Variants in DPY19L4 observed in about 807,000 individuals in gnomAD.
The protein encoded by DPY19L4 is dpy-19 like 4.
In DPY19L4, 97 loss-of-function variants were observed where a neutral mutation model predicts 102.8. The ratio of observed to expected loss-of-function variants is 0.94; its 90% CI spans 0.80 to 1.12. The LOEUF (loss-of-function observed/expected upper bound fraction) is 1.12. Ranked by LOEUF, DPY19L4 falls within the 50% of genes most tolerant of loss-of-function variation. The probability of loss-of-function intolerance (pLI) is 0.00; values close to 1 mark genes in which losing one functional copy is unlikely to be tolerated. For synonymous variants in DPY19L4, 252 were observed against 283.1 expected (o/e 0.89, Z 1.10); for missense variants, 815 against 850.4 (o/e 0.96, Z 0.52).
intron 6 of DPY19L4, among the ~76,000 whole-genome samples, chr8:94,741,220 A>G (rs1811431790): frequency 6.6e-6 from 1 of 152,202 alleles, no homozygotes; most frequent in Admixed American, 6.5e-5. Flanking sequence ...GGGGAATGGC[A>G]GTCAGATCTC....
In DPY19L4 at chr8:94,760,234, C is replaced by A. The variant is rs537034034; in HGVS notation, c.736-1466C>A. On this transcript the variant is annotated intron_variant, in intron 7 of 18. Transcript: ENST00000414645. ...GTTTTAGTATGTTGTAGGTTTCCCCCAGAATCTCAGAAGCAATCTCCAAAT... is the reference window on the plus strand; with the variant it reads ...GTTTTAGTATGTTGTAGGTTTCCCCAAGAATCTCAGAAGCAATCTCCAAAT... Among the ~76,000 whole-genome samples the A allele has an allele frequency of 1.3e-4, 20 of 152,352 alleles. No individual in the cohort carries two copies. In the East Asian group the frequency reaches 3.5e-3, roughly 26 times the overall value.
At chr8:94,772,098 C>T (rs1812961736) in intron 13 of DPY19L4, among the ~76,000 whole-genome samples, 3 of 151,502 alleles carry the variant, frequency 2.0e-5, no homozygotes, top group Admixed American at 1.3e-4. Flanking sequence ...TTAAACTTCC[C>T]TTGTTCCTGC....
intron 3 of DPY19L4, among the ~76,000 whole-genome samples, chr8:94,736,312 G>A (rs1811187351): frequency 6.6e-6 from 1 of 152,128 alleles, no homozygotes; most frequent in Admixed American, 6.6e-5. Context: ...TCAGATCACA[G>A]CAAACTCAAG....
chr8:94,744,221 G>A (rs1442932816), intron 6 of DPY19L4: 3 of 392,106 alleles, frequency 7.7e-6, no homozygotes, highest in African/African-American at 2.1e-5. Flanking sequence ...TCGTCTGAAG[G>A]CCTGGCTGGG....
chr8:94,791,420 A>C lies in DPY19L4; in HGVS notation c.*1510A>C, dbSNP rs988236521. The C allele has an allele frequency of 3.9e-5, 6 of 152,154 alleles. No homozygotes were observed. Among genetic ancestry groups the C allele is most frequent in the African/African-American group, 1.4e-4 (6 of 41,454 alleles). 9.4% of individuals were successfully genotyped at this position (152,154 alleles called of 1,614,324 possible). On this transcript the variant is annotated 3_prime_UTR_variant, in exon 19 of 19. Coordinates refer to ENST00000414645, the MANE Select transcript of DPY19L4 (RefSeq NM_181787.3). ...GGTGATGTCATATATCTGATAGATT[A>C]GTTTCAGTGGTTCTCATTTCACTTT...
intron 6 of DPY19L4, among the ~76,000 whole-genome samples, chr8:94,746,210 C>CA (rs1811668574): frequency 6.6e-6 from 1 of 151,558 alleles, no homozygotes. Flanking sequence ...TACAGGCACC[C>CA]ACCACCATGC....
intron 2 of DPY19L4, among the ~76,000 whole-genome samples, chr8:94,733,333 G>T (rs1586318455): frequency 6.6e-6 from 1 of 151,580 alleles, no homozygotes; most frequent in Non-Finnish European, 1.5e-5. Context: ...CACCGTGTTA[G>T]CCAGGATGGT....
At chr8:94,725,338 G>C (rs1017636861) in intron 1 of DPY19L4, among the ~76,000 whole-genome samples, 1 of 152,106 alleles carries the variant, frequency 6.6e-6, no homozygotes, top group African/African-American at 2.4e-5. Flanking sequence ...TTAATTCTAG[G>C]GAGGAAAAGT....
At chr8:94,733,159 T>C (rs1353290420) in intron 2 of DPY19L4, among the ~76,000 whole-genome samples, 2 of 126,964 alleles carry the variant, frequency 1.6e-5, no homozygotes, top group African/African-American at 6.3e-5. Context: ...AGAGTCTCGC[T>C]CTGTCGCCCA....
chr8:94,744,559 C>G (rs1328322867), intron 6 of DPY19L4: 2 of 456,176 alleles, frequency 4.4e-6, no homozygotes, highest in Admixed American at 2.4e-5. Context: ...ATCATTGGGA[C>G]CGTCTTGGAG....
intron 2 of DPY19L4, among the ~76,000 whole-genome samples, chr8:94,727,141 G>A (rs1563569668): frequency 6.6e-6 from 1 of 152,164 alleles, no homozygotes; most frequent in Non-Finnish European, 1.5e-5. Context: ...TTATGTCGGG[G>A]GTTCCCCAGA....
Position 94,767,826 on chromosome 8 carries a change from A to C in DPY19L4, c.1176-569A>C, listed in dbSNP as rs952604361. ...AGTAGCTGTATTTTAAAAAATACAA[A>C]GAAACAAGTGAAATTAATTTTAATA... On this transcript the variant is annotated intron_variant, in intron 11 of 18. Coordinates refer to ENST00000414645, the MANE Select transcript of DPY19L4 (RefSeq NM_181787.3). Among the ~76,000 whole-genome samples, 17 of 152,192 alleles carry C rather than the reference A, an allele frequency of 1.1e-4. No individual in the cohort carries two copies. The East Asian group carries it at 3.1e-3, about 28-fold the overall frequency.
chr8:94,766,349 T>G (rs1438104188), intron 10 of DPY19L4, among the ~76,000 whole-genome samples: 2 of 152,180 alleles, frequency 1.3e-5, no homozygotes, highest in African/African-American at 4.8e-5. Context: ...CACTCCAGCC[T>G]GGGCAACAAG....
Position 94,766,643 on chromosome 8 carries a change from T to A in DPY19L4, c.1133T>A (p.Met378Lys), listed in dbSNP as rs1434706130. ...MFVPHKENGH[M>K]LKFLEVKFGL... ...GTCCCACACAAAGAAAATGGGCACATGCTGAAATTCCTTGAAGTAAAATTT... is the reference window on the plus strand; with the variant it reads ...GTCCCACACAAAGAAAATGGGCACAAGCTGAAATTCCTTGAAGTAAAATTT... Residue 378 changes from methionine (M) to lysine (K), a missense_variant, in exon 11 of 19, where the codon ATG becomes AAG. Transcript: ENST00000414645. 3 of 1,613,978 alleles carry A rather than the reference T, an allele frequency of 1.9e-6. No individual in the cohort carries two copies. In the South Asian group the frequency reaches 3.3e-5, roughly 18 times the overall value.
chr8:94,739,372 A>C (rs1250104053), intron 4 of DPY19L4, 41 bp from the exon 5 acceptor site: 3 of 1,514,744 alleles, frequency 2.0e-6, no homozygotes, highest in Non-Finnish European at 2.6e-6. Context: ...ATTACTGTGA[A>C]GCAGAATAAA....
intron 6 of DPY19L4, chr8:94,744,609 T>C: frequency 2.2e-6 from 1 of 455,000 alleles, no homozygotes; most frequent in Non-Finnish European, 4.4e-6. Flanking sequence ...ATTAATTTCA[T>C]GTAATCCCTA....
intron 6 of DPY19L4, among the ~76,000 whole-genome samples, chr8:94,741,165 T>C (rs1356287363): frequency 6.6e-6 from 1 of 152,198 alleles, no homozygotes; most frequent in East Asian, 1.9e-4. Flanking sequence ...GAAATTATAG[T>C]TAATTGATCA....
intron 6 of DPY19L4, among the ~76,000 whole-genome samples, chr8:94,747,908 CAA>C (rs1811753469): frequency 7.1e-6 from 1 of 141,490 alleles, no homozygotes; most frequent in Non-Finnish European, 1.6e-5. Flanking sequence ...AAATTAAACT[CAA>C]AGAGAAGTTG....
At chr8:94,738,703 G>A (rs911061447) in intron 4 of DPY19L4, among the ~76,000 whole-genome samples, 1 of 151,528 alleles carries the variant, frequency 6.6e-6, no homozygotes, top group Non-Finnish European at 1.5e-5. Context: ...TAGTAGAGAC[G>A]GGGTTTCACC....
Sources: allele counts gnomAD v4.1 joint callset (sites outside exome capture counted in the v4.1 genomes callset), GRCh38; gene constraint gnomAD v4.1.1; transcripts MANE v1.5; gene names NCBI Gene and HGNC (gene_info 2026-07-23, HGNC 2026-07-21).